ASIC2: variants seen among roughly 807,000 people sequenced by gnomAD.
ASIC2 encodes acid sensing ion channel subunit 2.
In ASIC2, 25 loss-of-function variants were observed where a neutral mutation model predicts 57.3. The ratio of observed to expected loss-of-function variants is 0.44; its 90% confidence interval spans 0.32 to 0.61. The LOEUF is 0.61. Ranked by LOEUF, ASIC2 falls within the 20% of genes least tolerant of loss-of-function variation. The pLI, the probability that ASIC2 is intolerant of heterozygous loss-of-function variation, is 0.06. For missense variants in ASIC2, 641 were observed against 738.1 expected (o/e 0.87, Z 1.52); for synonymous variants, 319 against 307.5 (o/e 1.04, Z -0.39).
At chr17:33,862,323 C>A (rs1219798331) in intron 1 of ASIC2, among the ~76,000 whole-genome samples, 2 of 152,178 alleles carry the variant, frequency 1.3e-5, no homozygotes, top group African/African-American at 4.8e-5. Context: ...TTAGTCCTCA[C>A]AAAATCATCG....
intron 1 of ASIC2, among the ~76,000 whole-genome samples, chr17:33,748,059 G>A (rs185990516): frequency 1.3e-5 from 2 of 152,360 alleles, no homozygotes; most frequent in African/African-American, 2.4e-5. Flanking sequence ...AAGGTTAAGC[G>A]ACTTGCTAGA....
chr17:33,555,662 G>A (rs1177526060), intron 1 of ASIC2, among the ~76,000 whole-genome samples: 2 of 152,130 alleles, frequency 1.3e-5, no homozygotes, highest in Non-Finnish European at 2.9e-5. Context: ...AAAGGATGGA[G>A]CTTATGCTCA....
chr17:33,977,911 C>T (rs1905454661), intron 1 of ASIC2, among the ~76,000 whole-genome samples: 1 of 152,198 alleles, frequency 6.6e-6, no homozygotes, highest in South Asian at 2.1e-4. Flanking sequence ...ACGGTGTCTG[C>T]AGCTGCCTGC....
chr17:33,363,229 C>G (rs1908679339), intron 1 of ASIC2, among the ~76,000 whole-genome samples: 2 of 152,148 alleles, frequency 1.3e-5, no homozygotes, highest in Admixed American at 1.3e-4. Context: ...TCAATTGACT[C>G]ACCCACAGAA....
At chr17:33,425,751 C>T (rs947689843) in intron 1 of ASIC2, among the ~76,000 whole-genome samples, 1 of 152,080 alleles carries the variant, frequency 6.6e-6, no homozygotes, top group African/African-American at 2.4e-5. Flanking sequence ...GGTGTCCTTG[C>T]GTGGCTATTA....
At chr17:33,809,108 G>A (rs1211679165) in intron 1 of ASIC2, among the ~76,000 whole-genome samples, 1 of 152,158 alleles carries the variant, frequency 6.6e-6, no homozygotes, top group Admixed American at 6.5e-5. Context: ...CTTTTAATTA[G>A]ACTTGGGACT....
At chr17:33,950,564 AC>A (rs758130371) in intron 1 of ASIC2, among the ~76,000 whole-genome samples, 10 of 152,194 alleles carry the variant, frequency 6.6e-5, no homozygotes, top group Non-Finnish European at 1.3e-4. Flanking sequence ...ATGAGTGGGG[AC>A]CTGGAGTCCC....
Position 34,062,000 on chromosome 17 carries a change from T to A in ASIC2, c.555+93978A>T, listed in dbSNP as rs549327534. Among the ~76,000 whole-genome samples the A allele has an allele frequency of 5.3e-5, 8 of 152,248 alleles. No homozygotes were observed. In the East Asian group the frequency reaches 1.4e-3, roughly 26 times the overall value. ...GAAAGTCAGCAAGGAAACAATGGATTTAAACTATACCTTGGAACAAATGGA... is the reference window on the plus strand; with the variant it reads ...GAAAGTCAGCAAGGAAACAATGGATATAAACTATACCTTGGAACAAATGGA... On this transcript the variant is annotated intron_variant, in intron 1 of 9. Coordinates refer to the ASIC2 transcript ENST00000359872.
intron 1 of ASIC2, among the ~76,000 whole-genome samples, chr17:33,632,826 A>G (rs9903395): frequency 0.26 from 38,833 of 152,152 alleles, 5,505 homozygotes; most frequent in East Asian, 0.42. Context: ...CAATAATAAT[A>G]ACAGCTGCTA....
intron 1 of ASIC2, among the ~76,000 whole-genome samples, chr17:33,897,912 T>G (rs761135294): frequency 1.3e-5 from 2 of 152,144 alleles, no homozygotes; most frequent in Non-Finnish European, 2.9e-5. Flanking sequence ...ATGGCAGAAA[T>G]CGAAGATGGA....
intron 1 of ASIC2, among the ~76,000 whole-genome samples, chr17:33,584,616 G>A (rs1250267109): frequency 6.6e-6 from 1 of 152,054 alleles, no homozygotes; most frequent in Admixed American, 6.5e-5. Context: ...GCCAACCAGG[G>A]CTGCTAGCTG....
intron 1 of ASIC2, among the ~76,000 whole-genome samples, chr17:33,331,005 A>G (rs1410474419): frequency 3.9e-5 from 6 of 152,152 alleles, no homozygotes; most frequent in African/African-American, 1.4e-4. Context: ...GATGCTTGTT[A>G]TGAACCGGGC....
intron 1 of ASIC2, among the ~76,000 whole-genome samples, chr17:33,485,931 C>T (rs536292962): frequency 1.3e-5 from 2 of 152,358 alleles, no homozygotes; most frequent in African/African-American, 2.4e-5. Context: ...TGGCCCTGCT[C>T]TGTCTGGTCC....
intron 1 of ASIC2, among the ~76,000 whole-genome samples, chr17:33,119,281 C>G (rs2141995032): frequency 6.6e-6 from 1 of 152,304 alleles, no homozygotes; most frequent in South Asian, 2.1e-4. Context: ...GCCTCTAAAA[C>G]TTAGCTGTTT....
chr17:33,313,523 A>T (rs1175567070), intron 1 of ASIC2, among the ~76,000 whole-genome samples: 4 of 152,318 alleles, frequency 2.6e-5, no homozygotes, highest in South Asian at 2.1e-4. Context: ...AATTAGGTCC[A>T]ATAAATGTTT....
intron 1 of ASIC2, among the ~76,000 whole-genome samples, chr17:33,870,951 G>A (rs1914388399): frequency 1.3e-5 from 2 of 152,216 alleles, no homozygotes; most frequent in South Asian, 4.1e-4. Context: ...CTTGCAAACT[G>A]TCCTGAATGC....
chr17:33,998,534 T>C (rs543689508), intron 1 of ASIC2, among the ~76,000 whole-genome samples: 1 of 152,302 alleles, frequency 6.6e-6, no homozygotes, highest in African/African-American at 2.4e-5. Flanking sequence ...AGAGCAGTGT[T>C]TTTCTGTATC....
chr17:33,295,124 G>A (rs1905671238), upstream of ASIC2, among the ~76,000 whole-genome samples: 1 of 152,224 alleles, frequency 6.6e-6, no homozygotes, highest in African/African-American at 2.4e-5. Flanking sequence ...TTGGGTTTCT[G>A]ATGTGTTCAG....
chr17:34,101,921 C>A (rs561218809), intron 1 of ASIC2, among the ~76,000 whole-genome samples: 7 of 152,286 alleles, frequency 4.6e-5, no homozygotes, highest in African/African-American at 9.6e-5. Context: ...CATCACCATA[C>A]CCTACCTCCC....
Sources: allele counts gnomAD v4.1 joint callset (sites outside exome capture counted in the v4.1 genomes callset), GRCh38; gene constraint gnomAD v4.1.1; transcripts MANE v1.5; gene names NCBI Gene and HGNC (gene_info 2026-07-23, HGNC 2026-07-21).